INTS10: variants seen among roughly 807,000 people sequenced by gnomAD.
The protein encoded by INTS10 is chromosome 8 open reading frame 35.
INTS10 carries 44 observed loss-of-function variants against 94.4 expected under a neutral mutation model. That is an observed-to-expected ratio of 0.47 (90% CI 0.37 to 0.60). The LOEUF (loss-of-function observed/expected upper bound fraction) is 0.60. Among genes scored for constraint, INTS10 ranks in the 20% least tolerant of loss-of-function variants. The pLI, the probability that INTS10 is intolerant of heterozygous loss-of-function variation, is 0.00. For missense variants in INTS10, 797 were observed against 868.7 expected (o/e 0.92, Z 1.04); for synonymous variants, 341 against 320.7 (o/e 1.06, Z -0.68).
chr8:19,820,896 G>A (rs1446964960), intron 4 of INTS10: 1 of 159,318 alleles, frequency 6.3e-6, no homozygotes, highest in Non-Finnish European at 1.4e-5. Flanking sequence ...TTCTATTCCT[G>A]CCCCTTTCCT....
Position 19,831,611 on chromosome 8 carries a change from G to C in INTS10, c.1295-417G>C, listed in dbSNP as rs562425826. 9.8e-5 allele frequency among the ~76,000 whole-genome samples: 15 copies of C among 152,308 alleles called. No individual in the cohort carries two copies. The Middle Eastern group carries it at 0.014, about 138-fold the overall frequency. On this transcript the variant is annotated intron_variant, in intron 10 of 16. Coordinates refer to ENST00000397977, the MANE Select transcript of INTS10 (RefSeq NM_018142.4). ...AAGCTGAGGTAGGAGGACTGCTTGA[G>C]GCCGGAAGGTTGAGGCTGCAGTGAC...
intron 8 of INTS10, 55 bp from the exon 9 acceptor site, chr8:19,826,371 C>A: frequency 1.3e-6 from 2 of 1,540,430 alleles, no homozygotes; most frequent in African/African-American, 1.4e-5. Context: ...CATGAGCCAC[C>A]GCGCCTGGCC....
chr8:19,823,544 A>C (rs1210593502), intron 6 of INTS10, 103 bp downstream of exon 6: 2 of 829,196 alleles, frequency 2.4e-6, no homozygotes, highest in East Asian at 2.6e-5. Flanking sequence ...GATACTTACC[A>C]GTTTGGGAGT....
chr8:19,820,054 T>A (rs1158617765), intron 3 of INTS10, among the ~76,000 whole-genome samples: 1 of 152,230 alleles, frequency 6.6e-6, no homozygotes, highest in African/African-American at 2.4e-5. Context: ...CTAGATAAAA[T>A]AGCAAGTAGA....
chr8:19,822,374 A>T, intron 4 of INTS10, 65 bp from the exon 5 acceptor site: 1 of 889,066 alleles, frequency 1.1e-6, no homozygotes, highest in Non-Finnish European at 1.8e-6. Flanking sequence ...ATACCCCATT[A>T]CTTCATATAG....
chr8:19,837,067 G>A lies in INTS10; in HGVS notation c.1546G>A (p.Val516Ile), dbSNP rs1472971918. 1.7e-5 allele frequency: 28 copies of A among 1,612,098 alleles called. No individual in the cohort carries two copies. The highest frequency in any genetic ancestry group is 2.4e-5 in the Non-Finnish European group (28 of 1,178,290). The change falls in exon 13 of 17, where the codon GTC becomes ATC. Residue 516 changes from valine (V) to isoleucine (I), a missense_variant. Val to Ile is a conservative substitution (Grantham distance 29). Around this residue, in one of 3 missense-constraint regions of INTS10, gnomAD observed 734 missense variants for 787.8 expected, o/e 0.93. Coordinates refer to ENST00000397977, the MANE Select transcript of INTS10 (RefSeq NM_018142.4). Reference sequence around the variant, plus strand: ...TCTGCTTTAGATGACATGTGAAAAAGTCCTTGATTTGATGTGCTACATGGT... The same window carrying A: ...TCTGCTTTAGATGACATGTGAAAAAATCCTTGATTTGATGTGCTACATGGT... ...LGEYRMTCEK[V>I]LDLMCYMVLP...
chr8:19,842,902 T>A lies in INTS10; in HGVS notation c.1694T>A (p.Leu565His). 1.2e-6 allele frequency: 2 copies of A among 1,611,874 alleles called. No individual in the cohort carries two copies. Among genetic ancestry groups the A allele is most frequent in the South Asian group, 2.2e-5 (2 of 91,034 alleles). The change falls in exon 14 of 17, where the codon CTC (leucine) becomes CAC (histidine). Residue 565 changes from leucine (L) to histidine (H), a missense_variant. This residue lies in a region of INTS10 where 734 missense variants were observed against 787.8 expected (regional missense o/e 0.93). Coordinates refer to ENST00000397977, the MANE Select transcript of INTS10 (RefSeq NM_018142.4). ...CTSKAIMPYC[L>H]HLMLACFKLR... ...AGCAAGGCTATCATGCCATACTGCCTCCATTTAATGTTAGCCTGTTTTAAG... is the reference window on the plus strand; with the variant it reads ...AGCAAGGCTATCATGCCATACTGCCACCATTTAATGTTAGCCTGTTTTAAG...
Position 19,817,480 on chromosome 8 carries a change from G to A in INTS10, c.-58G>A. 2 of 1,564,572 alleles carry A rather than the reference G, an allele frequency of 1.3e-6. No individual in the cohort carries two copies. The highest frequency in any genetic ancestry group is 8.6e-7 in the Non-Finnish European group (1 of 1,158,212). On this transcript the variant is annotated 5_prime_UTR_variant, in exon 1 of 17. Coordinates refer to ENST00000397977, the MANE Select transcript of INTS10 (RefSeq NM_018142.4). Reference sequence around the variant, plus strand: ...CGGCGGTGGCTGCCGTGGCGGCTGAGAGTCCAGAGCCGGACGTTCCGGCCG... The same window carrying A: ...CGGCGGTGGCTGCCGTGGCGGCTGAAAGTCCAGAGCCGGACGTTCCGGCCG...
chr8:19,828,249 C>G (rs2066955721), intron 9 of INTS10, among the ~76,000 whole-genome samples: 2 of 152,200 alleles, frequency 1.3e-5, no homozygotes, highest in African/African-American at 4.8e-5. Context: ...TAGCATTTCT[C>G]ATAACAATCC....
chr8:19,817,911 C>G (rs1029383670), intron 1 of INTS10, among the ~76,000 whole-genome samples: 1 of 152,122 alleles, frequency 6.6e-6, no homozygotes. Context: ...CGGCCGATCC[C>G]GCTTGAGGTC....
rs1022878034 is a variant in INTS10 at position 19,849,229 on chromosome 8, A to C, written c.1977-2420A>C. ...ACCTGTGCTTCAGCCCAGCATACAG[A>C]CTGCTGACAGGTACCAAGTGGAATC... is the stretch of plus-strand genomic sequence containing the variant. On this transcript the variant is annotated intron_variant, in intron 16 of 16. Transcript: ENST00000397977. This position sits in a 1 kb window ranked among gnomAD's most constrained non-coding sequence, Gnocchi z 4.6. The C allele has an allele frequency of 2.3e-6, 3 of 1,288,704 alleles. No individual in the cohort carries two copies. The highest frequency in any genetic ancestry group is 3.0e-6 in the Non-Finnish European group (3 of 988,082). 79.8% of individuals were successfully genotyped at this position (1,288,704 alleles called of 1,614,324 possible). A position where few individuals can be genotyped will look rare whatever the true frequency, so the allele number is the denominator to read the frequency against.
chr8:19,845,681 G>T (rs1434434017), intron 15 of INTS10, 23 bp from the exon 16 acceptor site: 9 of 1,576,204 alleles, frequency 5.7e-6, no homozygotes, highest in Non-Finnish European at 7.9e-6. Flanking sequence ...TTTACATGTG[G>T]TTAACCTGAA....
chr8:19,819,729 G>C (rs1379413861), intron 3 of INTS10, 53 bp downstream of exon 3: 1 of 1,355,654 alleles, frequency 7.4e-7, no homozygotes, highest in Non-Finnish European at 1.0e-6. Context: ...ATCATATATA[G>C]TAATTTCACA....
At position 19,837,134 on chromosome 8, in the gene INTS10, C is replaced by T. The variant is rs377624955; in HGVS notation, c.1613C>T (p.Ser538Leu). Residue 538 changes from serine (S) to leucine (L), a missense_variant, in exon 13 of 17, where the codon TCG becomes TTG. By Grantham distance (145) the Ser-to-Leu change is moderately radical. Around this residue, in one of 3 missense-constraint regions of INTS10, gnomAD observed 734 missense variants for 787.8 expected, o/e 0.93. Coordinates refer to ENST00000397977, the MANE Select transcript of INTS10 (RefSeq NM_018142.4). ...GGAGGCAAATCCCAGGAGGAACCCT[C>T]GAAAGTAAAGCCCAAATTTAGAAAA... Reference protein sequence around the residue: ...QDGGKSQEEPSKVKPKFRKGS... With the variant: ...QDGGKSQEEPLKVKPKFRKGS... The T allele has an allele frequency of 1.1e-5, 17 of 1,611,688 alleles. No individual in the cohort carries two copies. Among genetic ancestry groups the T allele is most frequent in the South Asian group, 5.5e-5 (5 of 91,036 alleles).
At chr8:19,825,033 A>G in intron 8 of INTS10, 61 bp downstream of exon 8, 1 of 1,413,612 alleles carries the variant, frequency 7.1e-7, no homozygotes, top group Non-Finnish European at 1.0e-6. Context: ...ATGGTAAGGA[A>G]AATGAAAGTG....
At chr8:19,829,618 C>T (rs1249418146) in intron 9 of INTS10, among the ~76,000 whole-genome samples, 1 of 152,126 alleles carries the variant, frequency 6.6e-6, no homozygotes, top group East Asian at 1.9e-4. Flanking sequence ...CGCAGTGAAC[C>T]AAAGATAACT....
chr8:19,817,475 G>A lies in INTS10; in HGVS notation c.-63G>A. On this transcript the variant is annotated 5_prime_UTR_variant, in exon 1 of 17. Coordinates refer to ENST00000397977, the MANE Select transcript of INTS10 (RefSeq NM_018142.4). Reference sequence around the variant, plus strand: ...GGCGGCGGCGGTGGCTGCCGTGGCGGCTGAGAGTCCAGAGCCGGACGTTCC... The same window carrying A: ...GGCGGCGGCGGTGGCTGCCGTGGCGACTGAGAGTCCAGAGCCGGACGTTCC... The A allele has an allele frequency of 6.4e-7, 1 of 1,558,446 alleles. No homozygotes were observed. Among genetic ancestry groups the A allele is most frequent in the Non-Finnish European group, 8.7e-7 (1 of 1,155,202 alleles).
intron 9 of INTS10, among the ~76,000 whole-genome samples, chr8:19,829,559 C>T (rs571379437): frequency 3.9e-5 from 6 of 152,184 alleles, no homozygotes; most frequent in Admixed American, 1.3e-4. Flanking sequence ...CAGGACCTTG[C>T]ACTGGGGGAG....
chr8:19,831,478 A>T (rs1164757063), intron 10 of INTS10, among the ~76,000 whole-genome samples: 1 of 152,152 alleles, frequency 6.6e-6, no homozygotes, highest in Non-Finnish European at 1.5e-5. Context: ...TGAGCTCAGG[A>T]GTTAGAGACT....
Sources: gnomAD v4.1 joint callset for allele counts (sites outside exome capture counted in the v4.1 genomes callset) on GRCh38, gnomAD v4.1.1 for gene constraint, gnomAD v4.1.1 regional missense constraint, Gnocchi (gnomAD v3.1) non-coding constraint, MANE v1.5 for transcripts, NCBI Gene and HGNC (gene_info 2026-07-23, HGNC 2026-07-21) for gene names.